THOC1: variants seen among roughly 807,000 people sequenced by gnomAD.
THOC1 encodes THO complex 1.
Under a neutral mutation model 97.3 loss-of-function variants are expected in THOC1, and 29 were observed. That is an observed-to-expected ratio of 0.30 (90% CI 0.22 to 0.41). The LOEUF (loss-of-function observed/expected upper bound fraction) is 0.41, where lower values mean the gene tolerates loss of function less well. Ranked by LOEUF, THOC1 falls within the 10% of genes least tolerant of loss-of-function variation. The pLI is 1.00. For missense variants in THOC1, 529 were observed against 761.9 expected, an observed-to-expected ratio of 0.69 and a Z score of 3.60; for synonymous variants, 255 against 257.0, an observed-to-expected ratio of 0.99 and a Z score of 0.07.
At chr18:216,654 C>G (rs1390164792) in intron 18 of THOC1, 21 bp from the exon 19 acceptor site, 1 of 1,603,736 alleles carries the variant, frequency 6.2e-7, no homozygotes, top group African/African-American at 1.3e-5. Flanking sequence ...AGGTGTCAGG[C>G]TTGTAATTTA....
rs955771227 is a variant in THOC1 at position 253,933 on chromosome 18, C to T, written c.603+340G>A. On this transcript the variant is annotated intron_variant, in intron 8 of 20. Transcript: ENST00000261600. Reference sequence around the variant, plus strand: ...TTTTTTTTTTTTTTTTTAAATGAGACAGGTTCTCACTCTGTCGCCCAGGCT... The same window carrying T: ...TTTTTTTTTTTTTTTTTAAATGAGATAGGTTCTCACTCTGTCGCCCAGGCT... 7.9e-4 allele frequency among the ~76,000 whole-genome samples: 105 copies of T among 133,690 alleles called. 1 individual carries two copies. The highest frequency in any genetic ancestry group is 2.7e-3 in the African/African-American group (97 of 35,552). The allele number at this position is 133,690 out of a possible 152,430, so 87.7% of individuals were successfully genotyped here.
In THOC1 at chr18:264,079, G is replaced by A; in HGVS notation, c.203C>T (p.Ser68Leu). 4 of 1,611,136 alleles carry A rather than the reference G, an allele frequency of 2.5e-6. No homozygotes were observed. The highest frequency in any genetic ancestry group is 3.4e-6 in the Non-Finnish European group (4 of 1,178,016). The change falls in exon 4 of 21, where the codon TCA (serine) becomes TTA (leucine). Residue 68 changes from serine to leucine, a missense_variant. Around this residue, in one of 8 missense-constraint regions of THOC1, gnomAD observed 114 missense variants for 97.4 expected, o/e 1.17. Transcript: ENST00000261600. ...AATAATAGCTAAAACGTTTTCACAT[G>A]ATGAATGATTTATCTACCAACAGAG... Reference protein sequence around the residue: ...ILEEEIINHSSCENVLAIISL... With the variant: ...ILEEEIINHSLCENVLAIISL...
intron 15 of THOC1, 149 bp downstream of exon 15, chr18:224,775 T>TA (rs1911219830): frequency 3.0e-6 from 2 of 656,018 alleles, no homozygotes; most frequent in African/African-American, 3.7e-5. Context: ...AAAGTGGTTG[T>TA]ACTCTTACAA....
chr18:252,970 C>A (rs189816034), intron 8 of THOC1, among the ~76,000 whole-genome samples: 1 of 152,306 alleles, frequency 6.6e-6, no homozygotes, highest in African/African-American at 2.4e-5. Context: ...ATAGCTAATT[C>A]ACAGAAGAAA....
intron 7 of THOC1, among the ~76,000 whole-genome samples, chr18:255,534 C>T (rs1452846519): frequency 2.0e-5 from 3 of 152,162 alleles, no homozygotes; most frequent in African/African-American, 7.2e-5. Flanking sequence ...AAGACAAGTA[C>T]GAAGCTAGCA....
chr18:248,424 A>C (rs978143053), intron 9 of THOC1, among the ~76,000 whole-genome samples: 4 of 152,288 alleles, frequency 2.6e-5, no homozygotes, highest in South Asian at 2.1e-4. Flanking sequence ...AAGGTAGAAG[A>C]AGCCTGGGTC....
intron 11 of THOC1, among the ~76,000 whole-genome samples, chr18:228,240 C>G (rs1020808620): frequency 2.6e-5 from 4 of 152,146 alleles, no homozygotes; most frequent in Non-Finnish European, 5.9e-5. Context: ...GTCTTCAACT[C>G]ACAATCCTAT....
In THOC1 at chr18:214,817, T is replaced by C; in HGVS notation, c.1783A>G (p.Lys595Glu). 1 of 1,613,960 alleles carries C rather than the reference T, an allele frequency of 6.2e-7. No individual in the cohort carries two copies. Among genetic ancestry groups the C allele is most frequent in the South Asian group, 1.1e-5 (1 of 91,086 alleles). ...TCAATCTGCCTAATTTCTGAGTCTT[T>C]CATTTCCAAGTAGGGAGCCAGAATC... ...WKILAPYLEM[K>E]DSEIRQIECD... is the part of the protein sequence containing the mutation. The change falls in exon 21 of 21, where the codon AAA becomes GAA. Residue 595 changes from lysine (K) to glutamate (E), a missense_variant. Around this residue, in one of 8 missense-constraint regions of THOC1, gnomAD observed 98 missense variants for 111.9 expected, o/e 0.88. Coordinates refer to ENST00000261600, the MANE Select transcript of THOC1 (RefSeq NM_005131.3).
At position 234,314 on chromosome 18, in the gene THOC1, G is replaced by A. The variant is rs146732498; in HGVS notation, c.919-7413C>T. On this transcript the variant is annotated intron_variant, in intron 11 of 20. Coordinates refer to ENST00000261600, the MANE Select transcript of THOC1 (RefSeq NM_005131.3). The stretch of plus-strand genomic sequence containing the variant: ...TTGAAATGGTTAGATCCTCCAGTAC[G>A]GTGTTGAACAGAAATATGGTTAGTG... 4.5e-3 allele frequency among the ~76,000 whole-genome samples: 679 copies of A among 152,016 alleles called. 2 individuals are homozygous for A. The highest frequency in any genetic ancestry group is 4.3e-3 in the Non-Finnish European group (292 of 67,974).
chr18:236,842 TTGAG>T (rs900414678), intron 11 of THOC1, among the ~76,000 whole-genome samples: 2 of 152,152 alleles, frequency 1.3e-5, no homozygotes, highest in Non-Finnish European at 2.9e-5. Context: ...TCTATTAACC[TTGAG>T]TTAGTTCAGA....
intron 4 of THOC1, 97 bp downstream of exon 4, chr18:263,929 A>C (rs756924807): frequency 5.2e-5 from 49 of 946,806 alleles, no homozygotes; most frequent in Non-Finnish European, 7.6e-5. Flanking sequence ...GAATAAACAA[A>C]ATCAGATAGG....
At chr18:223,159 A>G (rs569550387) in intron 17 of THOC1, among the ~76,000 whole-genome samples, 1 of 152,178 alleles carries the variant, frequency 6.6e-6, no homozygotes, top group South Asian at 2.1e-4. Context: ...AAAGCTGGCA[A>G]TCATTAGTAC....
intron 9 of THOC1, among the ~76,000 whole-genome samples, chr18:249,205 C>T (rs1912195934): frequency 6.6e-6 from 1 of 152,136 alleles, no homozygotes; most frequent in South Asian, 2.1e-4. Context: ...ATCTGAAAGA[C>T]TCTAATGGGC....
chr18:215,198 AATGTATTTTCATTCCCTTTTAAAGC>A (rs1910832621), intron 20 of THOC1, among the ~76,000 whole-genome samples: 4 of 152,274 alleles, frequency 2.6e-5, no homozygotes, highest in African/African-American at 9.6e-5. Flanking sequence ...GTCGCCTTCA[AATGTATTTTCATTCCCTTTTAAAGC>A]ACCATTACTT....
intron 6 of THOC1, 35 bp from the exon 7 acceptor site, chr18:259,310 A>G: frequency 6.7e-7 from 1 of 1,500,198 alleles, no homozygotes; most frequent in Non-Finnish European, 9.2e-7. Context: ...TACACAGAAA[A>G]GATAATTCTA....
In THOC1 at chr18:215,329, GAGA is replaced by G; in HGVS notation, c.1678+97_1678+99del. ...GTCAGAAACAGTTGAGATAAAATGGGAGAAGTTGAGAAGTCGATCAAATTAAAT... is the reference window on the plus strand; with the variant it reads ...GTCAGAAACAGTTGAGATAAAATGGGAGTTGAGAAGTCGATCAAATTAAAT... On this transcript the variant is annotated intron_variant, in intron 20 of 20. Coordinates refer to ENST00000261600, the MANE Select transcript of THOC1 (RefSeq NM_005131.3). 6 of 853,084 alleles carry G rather than the reference GAGA, an allele frequency of 7.0e-6. No individual in the cohort carries two copies. In the South Asian group the frequency reaches 9.1e-5, roughly 13 times the overall value. The allele number at this position is 853,084 out of a possible 1,614,324, so 52.8% of individuals were successfully genotyped here. A position where few individuals can be genotyped will look rare whatever the true frequency, so the allele number is the denominator to read the frequency against.
intron 11 of THOC1, among the ~76,000 whole-genome samples, chr18:232,337 A>G (rs654019): frequency 0.17 from 25,331 of 151,954 alleles, 2,394 homozygotes; most frequent in Non-Finnish European, 0.23. Flanking sequence ...GTTTCAAGCA[A>G]TCCTCCCGTC....
intron 16 of THOC1, among the ~76,000 whole-genome samples, chr18:223,778 G>A (rs1204576977): frequency 2.6e-5 from 4 of 152,118 alleles, no homozygotes; most frequent in Non-Finnish European, 5.9e-5. Flanking sequence ...ATAGTTAACT[G>A]GAAGGTAAGA....
In THOC1 at chr18:216,124, T is replaced by C. The variant is rs1156787259; in HGVS notation, c.1602+362A>G. On this transcript the variant is annotated intron_variant, in intron 19 of 20. Transcript: ENST00000261600. ...ACGTGCCACCACACCTGGCTAATTT[T>C]TTATATTTTAGTAGAGACGGGGTTT... is the stretch of plus-strand genomic sequence containing the variant. 5 of 168,732 alleles carry C rather than the reference T, an allele frequency of 3.0e-5. No homozygotes were observed. In the East Asian group the frequency reaches 6.9e-4, roughly 23 times the overall value. The allele number at this position is 168,732 out of a possible 1,614,324, so 10.5% of individuals were successfully genotyped here.
Sources: allele counts gnomAD v4.1 joint callset (sites outside exome capture counted in the v4.1 genomes callset), GRCh38; gene constraint gnomAD v4.1.1; regional missense constraint gnomAD v4.1.1; transcripts MANE v1.5; gene names NCBI Gene and HGNC (gene_info 2026-07-23, HGNC 2026-07-21).